The following PFKFB2 variants were observed in gnomAD, a reference collection of about 807,000 sequenced individuals.
The protein encoded by PFKFB2 is 6-phosphofructo-2-kinase/fructose-2,6-biphosphatase 2.
Under a neutral mutation model 68.0 loss-of-function variants are expected in PFKFB2, and 53 were observed. The ratio of observed to expected loss-of-function variants is 0.78; its 90% CI spans 0.63 to 0.98. The LOEUF is 0.98. Among genes scored for constraint, PFKFB2 ranks in the 50% least tolerant of loss-of-function variants. PFKFB2 has a pLI of 0.00. For synonymous variants in PFKFB2, 222 were observed against 227.6 expected (o/e 0.98, Z 0.22); for missense variants, 451 against 642.0 (o/e 0.70, Z 3.22).
chr1:207,062,119 C>G, intron 3 of PFKFB2, 41 bp downstream of exon 3: 1 of 1,613,286 alleles, frequency 6.2e-7, no homozygotes, highest in Non-Finnish European at 8.5e-7. Context: ...ATTATTAGTT[C>G]CTGGGCCTCA....
At chr1:207,050,366 G>C (rs1006002348), upstream of PFKFB2, among the ~76,000 whole-genome samples, 1 of 152,146 alleles carries the variant, frequency 6.6e-6, no homozygotes, top group South Asian at 2.1e-4. Context: ...CATAAGGACA[G>C]AGAAAATAGG....
chr1:207,051,545 G>A (rs762001251), upstream of PFKFB2, among the ~76,000 whole-genome samples: 5 of 152,178 alleles, frequency 3.3e-5, no homozygotes, highest in African/African-American at 7.2e-5. Flanking sequence ...GCTTGAAAAC[G>A]TCTATTTGCC....
rs1216805371 is a variant in PFKFB2, at chr1:207,061,161, ATCTT to A, written c.86-790_86-787del. ...TATATCTTTATATATATTTATATATATCTTTATATATATATATATATATATATAT... is the reference window on the plus strand; with the variant it reads ...TATATCTTTATATATATTTATATATATATATATATATATATATATATATAT... On this transcript the variant is annotated intron_variant, in intron 2 of 14. Coordinates refer to ENST00000367080, the MANE Select transcript of PFKFB2 (RefSeq NM_006212.2). Among the ~76,000 whole-genome samples, 411 of 57,020 alleles carry A rather than the reference ATCTT, an allele frequency of 7.2e-3. 2 individuals are homozygous for A. Among genetic ancestry groups the A allele is most frequent in the African/African-American group, 9.0e-3 (98 of 10,856 alleles). 37.4% of individuals were successfully genotyped at this position (57,020 alleles called of 152,430 possible).
intron 8 of PFKFB2, among the ~76,000 whole-genome samples, chr1:207,065,643 C>A (rs1419577720): frequency 3.3e-5 from 5 of 152,112 alleles, no homozygotes; most frequent in Admixed American, 3.3e-4. Flanking sequence ...TGAGTCACTG[C>A]GCCTGGCTGG....
chr1:207,078,314 C>T (rs1180599277), downstream of PFKFB2, among the ~76,000 whole-genome samples: 1 of 152,106 alleles, frequency 6.6e-6, no homozygotes, highest in Non-Finnish European at 1.5e-5. Flanking sequence ...TCCTTGTTAC[C>T]TTAACAAAGA....
intron 2 of PFKFB2, among the ~76,000 whole-genome samples, chr1:207,055,641 TTATATATATA>T (rs34590725): frequency 1.4e-5 from 2 of 147,586 alleles, no homozygotes; most frequent in African/African-American, 5.0e-5. Flanking sequence ...ACTTCAGTGG[TTATATATATA>T]TATATATATA....
chr1:207,061,985 C>G lies in PFKFB2; in HGVS notation c.118C>G (p.Leu40Val). ...WASYMTNSPT[L>V]IVMIGLPARG... Reference sequence around the variant, plus strand: ...CTCCTACATGACCAACTCCCCGACTCTGATCGTTATGATTGGTTTGCCAGC... The same window carrying G: ...CTCCTACATGACCAACTCCCCGACTGTGATCGTTATGATTGGTTTGCCAGC... Residue 40 changes from leucine (L) to valine (V), a missense_variant, in exon 3 of 15, where the codon CTG (leucine) becomes GTG (valine). By Grantham distance (32) the Leu-to-Val change is conservative. Transcript: ENST00000367080. 2.5e-6 allele frequency: 4 copies of G among 1,614,232 alleles called. No individual in the cohort carries two copies. The highest frequency in any genetic ancestry group is 2.5e-6 in the Non-Finnish European group (3 of 1,180,036).
rs374742937 is a variant in PFKFB2 at position 207,067,632 on chromosome 1, C to A, written c.766C>A (p.Arg256=). 6.2e-7 allele frequency: 1 copy of A among 1,613,688 alleles called. No individual in the cohort carries two copies. Among genetic ancestry groups the A allele is most frequent in the African/African-American group, 1.3e-5 (1 of 74,804 alleles). Residue 256 remains arginine, a synonymous_variant, in exon 9 of 15, where the codon CGG becomes AGG. Coordinates refer to ENST00000367080, the MANE Select transcript of PFKFB2 (RefSeq NM_006212.2). Reference sequence around the variant, plus strand: ...CCAGCCTCGCACCATTTACCTTTGCCGGCATGGAGAAAGCGAGTTCAATCT... The same window carrying A: ...CCAGCCTCGCACCATTTACCTTTGCAGGCATGGAGAAAGCGAGTTCAATCT... The part of the protein sequence containing the change: ...HVQPRTIYLC[R]HGESEFNLLG...
At chr1:207,046,123 G>C (rs1682596647) in intron 2 of PFKFB2, 1 of 152,026 alleles carries the variant, frequency 6.6e-6, no homozygotes, top group African/African-American at 2.4e-5. Flanking sequence ...GTAAGAGAAA[G>C]GAAGAAGGGT....
In PFKFB2 at chr1:207,071,246, C is replaced by T. The variant is rs771486190; in HGVS notation, c.1281C>T (p.Ala427=). The change falls in exon 13 of 15, where the codon GCC becomes GCT. Residue 427 remains alanine, a synonymous_variant. Coordinates refer to ENST00000367080, the MANE Select transcript of PFKFB2 (RefSeq NM_006212.2). ...CCATCTTCAAACTTACTCCTGTGGC[C>T]TATGGTAACTATGCACATAGGGGCT... ...LHTIFKLTPV[A]YGCKVETIKL... 9.3e-6 allele frequency: 15 copies of T among 1,611,438 alleles called. No individual in the cohort carries two copies. The highest frequency in any genetic ancestry group is 1.3e-5 in the Non-Finnish European group (15 of 1,177,604).
At chr1:207,066,503 G>T (rs1465642465) in intron 8 of PFKFB2, among the ~76,000 whole-genome samples, 1 of 152,178 alleles carries the variant, frequency 6.6e-6, no homozygotes, top group Non-Finnish European at 1.5e-5. Context: ...GTATTCTTCA[G>T]TTGGAACAAA....
chr1:207,065,512 G>A (rs1193352811), intron 8 of PFKFB2, among the ~76,000 whole-genome samples: 1 of 151,590 alleles, frequency 6.6e-6, no homozygotes, highest in Non-Finnish European at 1.5e-5. Context: ...CACCATGCCC[G>A]GCTATTTTTT....
rs1558061405 is a variant in PFKFB2, at chr1:207,063,916, T to TG, written c.507+87_507+88insG. On this transcript the variant is annotated intron_variant, in intron 7 of 14. Coordinates refer to ENST00000367080, the MANE Select transcript of PFKFB2 (RefSeq NM_006212.2). This position sits in a 1 kb window ranked among gnomAD's most constrained non-coding sequence, Gnocchi z 4.1. ...GTGTGTGTGTGTGTGTGTGTGTGTG[T>TG]TGTTGGGGAGGGGTGTTTTCGTAAT... 2.6e-4 allele frequency: 248 copies of TG among 967,196 alleles called. No homozygotes were observed. Among genetic ancestry groups the TG allele is most frequent in the Middle Eastern group, 4.3e-4 (2 of 4,662 alleles). 59.9% of individuals were successfully genotyped at this position (967,196 alleles called of 1,614,324 possible).
chr1:207,079,337 G>A (rs1489638677), downstream of PFKFB2: 5 of 397,404 alleles, frequency 1.3e-5, no homozygotes, highest in Non-Finnish European at 2.3e-5. Context: ...TCCTACCTGT[G>A]ACTGTCTGCA....
At chr1:207,056,121 A>C (rs1160863721) in intron 2 of PFKFB2, among the ~76,000 whole-genome samples, 1 of 152,112 alleles carries the variant, frequency 6.6e-6, no homozygotes, top group East Asian at 1.9e-4. Flanking sequence ...TGTCTCCCCC[A>C]AGAGTGATGT....
intron 2 of PFKFB2, among the ~76,000 whole-genome samples, chr1:207,061,165 T>TA (rs1683097507): frequency 6.6e-5 from 3 of 45,178 alleles, no homozygotes; most frequent in African/African-American, 1.8e-4. Flanking sequence ...ATATATATCT[T>TA]TATATATATA....
chr1:207,067,453 C>G (rs1437835430), intron 8 of PFKFB2, 46 bp from the exon 9 acceptor site: 1 of 1,359,352 alleles, frequency 7.4e-7, no homozygotes, highest in Non-Finnish European at 1.0e-6. Context: ...TTCTTATTCT[C>G]AGATCTTCTT....
In PFKFB2 at chr1:207,076,570, G is replaced by A; in HGVS notation, c.*4199G>A. The A allele has an allele frequency of 1.0e-6, 1 of 957,968 alleles. No individual in the cohort carries two copies. Among genetic ancestry groups the A allele is most frequent in the Non-Finnish European group, 1.2e-6 (1 of 817,858 alleles). The allele number at this position is 957,968 out of a possible 1,614,324, so 59.3% of individuals were successfully genotyped here. Reference sequence around the variant, plus strand: ...GACACAGATGTCAGAATTGTGTCCAGGGATTTAATTTAGACCCATACTGTC... The same window carrying A: ...GACACAGATGTCAGAATTGTGTCCAAGGATTTAATTTAGACCCATACTGTC... On this transcript the variant is annotated 3_prime_UTR_variant, in exon 15 of 15. Transcript: ENST00000367080.
At chr1:207,057,302 C>CAAAAAAAAAAAAAAAAAAAAAAAAA (rs748726221) in intron 2 of PFKFB2, among the ~76,000 whole-genome samples, 1 of 40,402 alleles carries the variant, frequency 2.5e-5, no homozygotes, top group Non-Finnish European at 5.0e-5. Context: ...AAAAAAACTA[C>CAAAAAAAAAAAAAAAAAAAAAAAAA]AAAAAAAAAA....
Sources: gnomAD v4.1 joint callset for allele counts (sites outside exome capture counted in the v4.1 genomes callset) on GRCh38, gnomAD v4.1.1 for gene constraint, Gnocchi (gnomAD v3.1) non-coding constraint, MANE v1.5 for transcripts, NCBI Gene and HGNC (gene_info 2026-07-23, HGNC 2026-07-21) for gene names.